Variants in MYO5B observed in about 807,000 individuals in gnomAD.
MYO5B encodes myosin VB.
MYO5B carries 143 observed loss-of-function variants against 229.3 expected under a neutral mutation model. That is an observed-to-expected ratio of 0.62 (90% CI 0.54 to 0.72). The LOEUF is 0.72. Ranked by LOEUF, MYO5B falls within the 30% of genes least tolerant of loss-of-function variation. MYO5B has a pLI of 0.00. For missense variants in MYO5B, 2,321 were observed against 2,331.0 expected (o/e 1.00, Z 0.09); for synonymous variants, 918 against 885.2 (o/e 1.04, Z -0.66).
Position 49,991,822 on chromosome 18 carries a change from A to AT in MYO5B, c.756+465dup, listed in dbSNP as rs933427036. Among the ~76,000 whole-genome samples the AT allele has an allele frequency of 2.0e-3, 308 of 151,656 alleles. 1 individual carries two copies. Among genetic ancestry groups the AT allele is most frequent in the African/African-American group, 6.8e-3 (283 of 41,478 alleles). ...CATGTATCCCAGAACTTAAAGTATA[A>AT]TTTTTTTTAAAAAATGGGACATCCA... On this transcript the variant is annotated intron_variant, in intron 6 of 39. Transcript: ENST00000285039.
intron 1 of MYO5B, among the ~76,000 whole-genome samples, chr18:50,158,504 T>C (rs932660668): frequency 6.6e-6 from 1 of 152,234 alleles, no homozygotes; most frequent in African/African-American, 2.4e-5. Flanking sequence ...TTGCGTGGAT[T>C]CCTAGCTCTT....
At position 49,880,384 on chromosome 18, in the gene MYO5B, C is replaced by T. The variant is rs923497343; in HGVS notation, c.3117G>A (p.Leu1039=). ...TTTGGTACTTACCTTTAGACTGGCA[C>T]AGGATTTGGTTGTTGAGCTGTTCTT... ...DEKEQLNNQI[L]CQSKDEFAQN... The change falls in exon 23 of 40, where the codon CTG becomes CTA. Residue 1039 remains leucine (L), a synonymous_variant. Coordinates refer to ENST00000285039, the MANE Select transcript of MYO5B (RefSeq NM_001080467.3). 2 of 1,613,968 alleles carry T rather than the reference C, an allele frequency of 1.2e-6. No homozygotes were observed. The highest frequency in any genetic ancestry group is 1.7e-6 in the Non-Finnish European group (2 of 1,179,890).
intron 1 of MYO5B, among the ~76,000 whole-genome samples, chr18:50,164,936 C>T (rs889702568): frequency 2.0e-5 from 3 of 152,172 alleles, no homozygotes; most frequent in African/African-American, 7.2e-5. Flanking sequence ...CACATTATCA[C>T]CCTCAACAGA....
At chr18:49,964,811 C>G (rs775332189) in intron 10 of MYO5B, among the ~76,000 whole-genome samples, 6 of 152,176 alleles carry the variant, frequency 3.9e-5, no homozygotes, top group Non-Finnish European at 8.8e-5. Context: ...CATTGCTTAA[C>G]TCCAATGTGT....
At chr18:50,058,609 G>A (rs977912685) in intron 1 of MYO5B, among the ~76,000 whole-genome samples, 1 of 152,156 alleles carries the variant, frequency 6.6e-6, no homozygotes, top group African/African-American at 2.4e-5. Context: ...TCAGGAGTTC[G>A]AAACCAGCCT....
chr18:50,026,081 C>T (rs1450359258), intron 4 of MYO5B, among the ~76,000 whole-genome samples: 1 of 152,162 alleles, frequency 6.6e-6, no homozygotes. Flanking sequence ...AAAACTAGTA[C>T]ACCCCAGCAG....
At chr18:50,096,027 G>A (rs1346107947) in intron 1 of MYO5B, among the ~76,000 whole-genome samples, 11 of 152,156 alleles carry the variant, frequency 7.2e-5, no homozygotes, top group Non-Finnish European at 8.8e-5. Context: ...CATTCTCCCA[G>A]TCACCAAGCT....
Position 50,040,224 on chromosome 18 carries a change from G to A in MYO5B, c.229C>T (p.Leu77Phe). Residue 77 changes from leucine to phenylalanine, a missense_variant, in exon 3 of 40, where the codon CTT (leucine) becomes TTT (phenylalanine). Transcript: ENST00000285039. ...ILVGENDLTA[L>F]SYLHEPAVLH... ...ACTGCAGGCTCATGAAGATAGCTAA[G>A]GGCAGTCAGGTCATTTTCTCCCACC... 6.2e-7 allele frequency: 1 copy of A among 1,614,068 alleles called. No individual in the cohort carries two copies. Among genetic ancestry groups the A allele is most frequent in the Non-Finnish European group, 8.5e-7 (1 of 1,179,984 alleles).
intron 22 of MYO5B, among the ~76,000 whole-genome samples, chr18:49,894,549 G>C (rs1445696408): frequency 6.6e-6 from 1 of 152,050 alleles, no homozygotes; most frequent in Non-Finnish European, 1.5e-5. Context: ...CTGCATCATG[G>C]GCAAGGGTGC....
At chr18:49,986,388 CCCCAGTCTGACTA>C (rs1396611170) in intron 7 of MYO5B, among the ~76,000 whole-genome samples, 3 of 152,228 alleles carry the variant, frequency 2.0e-5, no homozygotes, top group African/African-American at 7.2e-5. Flanking sequence ...CAGCCCTAGA[CCCCAGTCTGACTA>C]CACAACCTGA....
At chr18:49,873,664 T>C (rs1024477916) in intron 26 of MYO5B, among the ~76,000 whole-genome samples, 2 of 152,246 alleles carry the variant, frequency 1.3e-5, no homozygotes, top group African/African-American at 2.4e-5. Context: ...GTGGATGATA[T>C]TGAGTACATT....
At chr18:50,023,247 C>T (rs1309397004) in intron 4 of MYO5B, among the ~76,000 whole-genome samples, 1 of 152,058 alleles carries the variant, frequency 6.6e-6, no homozygotes, top group Non-Finnish European at 1.5e-5. Flanking sequence ...GAGGAAAGAG[C>T]TCTAGAGAAT....
chr18:50,085,484 A>G lies in MYO5B; in HGVS notation c.28-30106T>C, dbSNP rs907198471. ...TGCTGGTGGGACTGTAAACTAGTTC[A>G]ACCATTGTGGAAGTCAGTGTGGTGA... On this transcript the variant is annotated intron_variant, in intron 1 of 39. Transcript: ENST00000285039. Among the ~76,000 whole-genome samples the G allele has an allele frequency of 1.6e-4, 25 of 152,126 alleles. No individual in the cohort carries two copies. The Middle Eastern group carries it at 0.01, about 62-fold the overall frequency.
At chr18:49,827,681 G>C (rs1220925443) in intron 39 of MYO5B, among the ~76,000 whole-genome samples, 2 of 151,654 alleles carry the variant, frequency 1.3e-5, no homozygotes, top group Non-Finnish European at 2.9e-5. Context: ...CAGACCTATT[G>C]GACACCATCA....
At chr18:50,037,871 G>A (rs968625026) in intron 3 of MYO5B, among the ~76,000 whole-genome samples, 7 of 152,054 alleles carry the variant, frequency 4.6e-5, no homozygotes, top group African/African-American at 7.2e-5. Flanking sequence ...CAGCCTGGGC[G>A]ACAGAGTGAG....
In MYO5B at chr18:49,914,292, G is replaced by A. The variant is rs567371091; in HGVS notation, c.2091-2119C>T. 5.9e-5 allele frequency among the ~76,000 whole-genome samples: 9 copies of A among 152,248 alleles called. No homozygotes were observed. In the East Asian group the frequency reaches 1.4e-3, roughly 23 times the overall value. On this transcript the variant is annotated intron_variant, in intron 17 of 39. Coordinates refer to ENST00000285039, the MANE Select transcript of MYO5B (RefSeq NM_001080467.3). ...GCTCCCCATTCCATAAGGGGTTTGAGCTTACAGCAGCAAACAGAGAGCCAC... is the reference window on the plus strand; with the variant it reads ...GCTCCCCATTCCATAAGGGGTTTGAACTTACAGCAGCAAACAGAGAGCCAC...
chr18:49,995,788 T>C (rs1450924141), intron 5 of MYO5B, among the ~76,000 whole-genome samples: 1 of 152,204 alleles, frequency 6.6e-6, no homozygotes, highest in Non-Finnish European at 1.5e-5. Flanking sequence ...TTAATATATC[T>C]AGGCATAATC....
chr18:50,082,074 G>C (rs16951477), intron 1 of MYO5B, among the ~76,000 whole-genome samples: 5,778 of 152,318 alleles, frequency 0.038, 360 homozygotes, highest in African/African-American at 0.13. Context: ...AAAAACAGTT[G>C]AGATTGGCAG....
chr18:49,982,415 T>C (rs1460183384), intron 8 of MYO5B, among the ~76,000 whole-genome samples: 3 of 152,144 alleles, frequency 2.0e-5, no homozygotes, highest in Non-Finnish European at 4.4e-5. Flanking sequence ...CGAACCACCC[T>C]GTCATGGTAG....
Sources: gnomAD v4.1 joint callset for allele counts (sites outside exome capture counted in the v4.1 genomes callset) on GRCh38, gnomAD v4.1.1 for gene constraint, MANE v1.5 for transcripts, NCBI Gene and HGNC (gene_info 2026-07-23, HGNC 2026-07-21) for gene names.